Variants in CRBN observed in about 807,000 individuals in gnomAD.
CRBN encodes protein cereblon.
Under a neutral mutation model 62.2 loss-of-function variants are expected in CRBN, and 53 were observed. The observed-to-expected ratio is 0.85, with a 90% CI of 0.68 to 1.07. The LOEUF (loss-of-function observed/expected upper bound fraction) is 1.07. Ranked by LOEUF, CRBN falls within the 50% of genes least tolerant of loss-of-function variation. The pLI, the probability that CRBN is intolerant of heterozygous loss-of-function variation, is 0.00. For missense variants in CRBN, 616 were observed against 531.1 expected (o/e 1.16, Z -1.57); for synonymous variants, 208 against 176.1 (o/e 1.18, Z -1.43).
At position 3,179,668 on chromosome 3, in the gene CRBN, T is replaced by A. The variant is rs192011911; in HGVS notation, c.20A>T (p.Gln7Leu). The change falls in exon 1 of 11, where the codon CAG becomes CTG. Residue 7 changes from glutamine to leucine, a missense_variant. Physicochemically the swap from Gln to Leu is moderately radical, Grantham distance 113 (BLOSUM62 -2). Coordinates refer to ENST00000231948, the MANE Select transcript of CRBN (RefSeq NM_016302.4). MAGEGD[Q>L]QDAAHNMGNH... ...GCCCATGTTGTGCGCAGCGTCCTGC[T>A]GATCTCCTTCGCCGGCCATGTCTGT... 2 of 1,613,136 alleles carry A rather than the reference T, an allele frequency of 1.2e-6. No homozygotes were observed. The highest frequency in any genetic ancestry group is 8.5e-7 in the Non-Finnish European group (1 of 1,179,596).
Position 3,150,741 on chromosome 3 carries a change from AATGTT to A in CRBN, c.*119_*123del, listed in dbSNP as rs1439767626. ...ACTTAGAAACTGCAACCCTCCAAGT[AATGTT>A]ATGTTTACTTAGGTATTAATGTTAT... On this transcript the variant is annotated 3_prime_UTR_variant, in exon 11 of 11. Transcript: ENST00000231948. 2 of 942,232 alleles carry A rather than the reference AATGTT, an allele frequency of 2.1e-6. No homozygotes were observed. Among genetic ancestry groups the A allele is most frequent in the Non-Finnish European group, 3.2e-6 (2 of 629,166 alleles). The allele number at this position is 942,232 out of a possible 1,614,324, so 58.4% of individuals were successfully genotyped here.
At position 3,150,931 on chromosome 3, in the gene CRBN, A is replaced by G; in HGVS notation, c.1263T>C (p.Ala421=). 3 of 1,614,030 alleles carry G rather than the reference A, an allele frequency of 1.9e-6. No individual in the cohort carries two copies. Among genetic ancestry groups the G allele is most frequent in the Non-Finnish European group, 2.5e-6 (3 of 1,179,964 alleles). The change falls in exon 11 of 11, where the codon GCT becomes GCC. Residue 421 remains alanine (A), a synonymous_variant. Coordinates refer to ENST00000231948, the MANE Select transcript of CRBN (RefSeq NM_016302.4). ...CAGTGTCTGGGATCGTGGGCAACAG[A>G]GCAGATCGCGTTAAGCCCCAAAATT... is the stretch of plus-strand genomic sequence containing the variant. ...PQKFWGLTRS[A]LLPTIPDTED...
chr3:3,158,791 C>T (rs1438924850), intron 5 of CRBN, among the ~76,000 whole-genome samples: 1 of 152,190 alleles, frequency 6.6e-6, no homozygotes, highest in African/African-American at 2.4e-5. Flanking sequence ...GGGAGTCTGA[C>T]TCTAACCATC....
intron 1 of CRBN, among the ~76,000 whole-genome samples, chr3:3,177,074 T>G (rs1372945033): frequency 6.6e-6 from 1 of 152,248 alleles, no homozygotes; most frequent in East Asian, 1.9e-4. Context: ...GGGATGCAGC[T>G]AAATATCCTA....
chr3:3,150,666 C>T lies in CRBN; in HGVS notation c.*199G>A, dbSNP rs900215425. On this transcript the variant is annotated 3_prime_UTR_variant, in exon 11 of 11. Transcript: ENST00000231948. ...AGATGTTTCTGGTATTCTAGACTGC[C>T]GTTCATGCTTGTTTCCTAAAGTATA... 4 of 536,866 alleles carry T rather than the reference C, an allele frequency of 7.5e-6. No individual in the cohort carries two copies. Among genetic ancestry groups the T allele is most frequent in the East Asian group, 3.4e-5 (1 of 29,830 alleles). 33.3% of individuals were successfully genotyped at this position (536,866 alleles called of 1,614,324 possible).
At chr3:3,175,044 T>C in intron 2 of CRBN, 119 bp downstream of exon 2, 1 of 724,574 alleles carries the variant, frequency 1.4e-6, no homozygotes, top group Non-Finnish European at 2.4e-6. Context: ...AAATAGCCCA[T>C]GTCCTCATCC....
At chr3:3,155,318 C>T in intron 6 of CRBN, 1 of 158,098 alleles carries the variant, frequency 6.3e-6, no homozygotes, top group Non-Finnish European at 1.4e-5. Flanking sequence ...GAGCGGAGAT[C>T]AACTGCAGTT....
rs746839888 is a variant in CRBN, at chr3:3,154,041, A to G, written c.870T>C (p.Ile290=). The G allele has an allele frequency of 5.6e-6, 9 of 1,613,560 alleles. No individual in the cohort carries two copies. The Admixed American group carries it at 1.2e-4, about 21-fold the overall frequency. The change falls in exon 8 of 11, where the codon ATT becomes ATC. Residue 290 remains isoleucine, a synonymous_variant. Coordinates refer to ENST00000231948, the MANE Select transcript of CRBN (RefSeq NM_016302.4). Reference sequence around the variant, plus strand: ...GGAGCTGAATTCTCAATACATCATCAATAGGAAGACAAGCAGCTACTCTGT... The same window carrying G: ...GGAGCTGAATTCTCAATACATCATCGATAGGAAGACAAGCAGCTACTCTGT... ...FSYRVAACLP[I]DDVLRIQLLK...
intron 5 of CRBN, among the ~76,000 whole-genome samples, chr3:3,159,893 T>C (rs1707066024): frequency 1.3e-5 from 2 of 152,214 alleles, no homozygotes; most frequent in Non-Finnish European, 2.9e-5. Context: ...AAATGGATGA[T>C]AAGTTCTAGC....
downstream of CRBN, chr3:3,149,846 T>TTAAAG (rs1341740940): frequency 3.9e-5 from 6 of 152,150 alleles, no homozygotes; most frequent in African/African-American, 1.2e-4. Context: ...CTGATTAGTT[T>TTAAAG]TAAAGTAGCA....
rs11414437 is a variant in CRBN at position 3,152,423 on chromosome 3, GAAA to G, written c.1148+30_1148+32del. 5 of 1,486,982 alleles carry G rather than the reference GAAA, an allele frequency of 3.4e-6. No homozygotes were observed. In the South Asian group the frequency reaches 3.7e-5, roughly 11 times the overall value. 92.1% of individuals were successfully genotyped at this position (1,486,982 alleles called of 1,614,324 possible). A position where few individuals can be genotyped will look rare whatever the true frequency, so the allele number is the denominator to read the frequency against. ...TTTCTGCCCAATTAAGGTAAAAAAA[GAAA>G]AAAAAAAGCAACCACCACCATAATA... On this transcript the variant is annotated intron_variant, in intron 10 of 10. Transcript: ENST00000231948.
chr3:3,156,294 CA>C lies in CRBN; in HGVS notation c.688-14del, dbSNP rs746753352. 5.5e-5 allele frequency: 88 copies of C among 1,612,146 alleles called. 1 individual carries two copies. The Admixed American group carries it at 1.4e-3, about 25-fold the overall frequency. On this transcript the variant is annotated splice_polypyrimidine_tract_variant and intron_variant, in intron 5 of 10. Coordinates refer to ENST00000231948, the MANE Select transcript of CRBN (RefSeq NM_016302.4). ...AATGAAACTTTCTCTGAAAACAAAA[CA>C]AAAAGGCACTTAAAAAACCCCACAG...
At position 3,156,238 on chromosome 3, in the gene CRBN, A is replaced by G; in HGVS notation, c.731T>C (p.Leu244Pro). The G allele has an allele frequency of 1.2e-6, 2 of 1,614,040 alleles. No individual in the cohort carries two copies. Among genetic ancestry groups the G allele is most frequent in the Non-Finnish European group, 1.7e-6 (2 of 1,179,928 alleles). ...ACTTACAGCATCATATAAGGAATAC[A>G]GCCAGCGAGGCCATGAAGTTAGATT... ...CANLTSWPRWLYSLYDAETLM... is the reference protein window; with the variant it reads ...CANLTSWPRWPYSLYDAETLM... Residue 244 changes from leucine (L) to proline (P), a missense_variant, in exon 6 of 11, where the codon CTG (leucine) becomes CCG (proline). By Grantham distance (98) the Leu-to-Pro change is moderately conservative (BLOSUM62 -3). Transcript: ENST00000231948.
intron 5 of CRBN, 42 bp from the exon 6 acceptor site, chr3:3,156,323 T>G (rs777114726): frequency 1.3e-6 from 2 of 1,531,226 alleles, no homozygotes; most frequent in Admixed American, 1.7e-5. Context: ...CCCCACAGAA[T>G]AAAGATTCTA....
chr3:3,154,475 G>A (rs1323514355), intron 7 of CRBN: 2 of 502,436 alleles, frequency 4.0e-6, no homozygotes, highest in Admixed American at 3.4e-5. Flanking sequence ...TACACAGGAA[G>A]TGTTTTTGGA....
chr3:3,173,673 G>C (rs1334754569), intron 3 of CRBN, among the ~76,000 whole-genome samples: 1 of 152,094 alleles, frequency 6.6e-6, no homozygotes, highest in East Asian at 1.9e-4. Flanking sequence ...TATGAATTTT[G>C]AGAGAGAGGG....
chr3:3,178,424 C>T (rs1158072891), intron 1 of CRBN, among the ~76,000 whole-genome samples: 1 of 151,124 alleles, frequency 6.6e-6, no homozygotes, highest in Non-Finnish European at 1.5e-5. Context: ...AAACCTAAAA[C>T]TGTTTCTTGG....
At chr3:3,161,631 C>T (rs1052967817) in intron 5 of CRBN, among the ~76,000 whole-genome samples, 4 of 152,156 alleles carry the variant, frequency 2.6e-5, no homozygotes, top group Admixed American at 2.0e-4. Flanking sequence ...TTGTGATCCA[C>T]CCGCCTCAGC....
intron 5 of CRBN, among the ~76,000 whole-genome samples, chr3:3,166,852 T>G (rs904480281): frequency 6.6e-6 from 1 of 152,012 alleles, no homozygotes; most frequent in Non-Finnish European, 1.5e-5. Flanking sequence ...GTATTTACAT[T>G]AAAATATTAA....
Sources: allele counts gnomAD v4.1 joint callset (sites outside exome capture counted in the v4.1 genomes callset), GRCh38; gene constraint gnomAD v4.1.1; transcripts MANE v1.5; gene names NCBI Gene and HGNC (gene_info 2026-07-23, HGNC 2026-07-21).